The following PRDM2 variants were observed in gnomAD, a reference collection of about 807,000 sequenced individuals.
PRDM2 encodes the protein PR/SET domain 2.
A neutral mutation model predicts 130.0 loss-of-function variants in PRDM2; 30 were observed. The observed-to-expected ratio is 0.23, with a 90% confidence interval of 0.17 to 0.31. The LOEUF (loss-of-function observed/expected upper bound fraction) is 0.31, where lower values mean the gene tolerates loss of function less well. PRDM2 is among the 10% of genes least tolerant of loss of function. PRDM2 has a pLI of 1.00. For synonymous variants in PRDM2, 871 were observed against 782.4 expected (o/e 1.11, Z -1.89); for missense variants, 2,011 against 2,108.4 (o/e 0.95, Z 0.90).
intron 8 of PRDM2, among the ~76,000 whole-genome samples, chr1:13,792,676 G>A (rs1211968518): frequency 1.3e-5 from 2 of 152,222 alleles, no homozygotes; most frequent in African/African-American, 2.4e-5. Context: ...TCATCAAAGT[G>A]TCAGGCTGTA....
At chr1:13,753,396 ACT>A (rs769716060) in intron 6 of PRDM2, among the ~76,000 whole-genome samples, 1 of 152,304 alleles carries the variant, frequency 6.6e-6, no homozygotes, top group South Asian at 2.1e-4. Flanking sequence ...TATCTCAGCG[ACT>A]CTTAGTCACC....
intron 8 of PRDM2, among the ~76,000 whole-genome samples, chr1:13,794,704 C>CA (rs2100715179): frequency 6.6e-6 from 1 of 152,212 alleles, no homozygotes; most frequent in East Asian, 1.9e-4. Context: ...CAGCTGCTGT[C>CA]AGCATCACTA....
chr1:13,791,894 A>G (rs1386603710), intron 8 of PRDM2, among the ~76,000 whole-genome samples: 1 of 152,236 alleles, frequency 6.6e-6, no homozygotes, highest in Non-Finnish European at 1.5e-5. Flanking sequence ...TTTTTAAAAT[A>G]GAAATTCAGG....
rs768934604 is a variant in PRDM2 at position 13,780,611 on chromosome 1, A to T, written c.2816A>T (p.Glu939Val). The T allele has an allele frequency of 6.2e-7, 1 of 1,613,952 alleles. No individual in the cohort carries two copies. Among genetic ancestry groups the T allele is most frequent in the Non-Finnish European group, 8.5e-7 (1 of 1,179,980 alleles). ...TCTGGTTTCCCTGCCCCTACTGTTG[A>T]GTCCACACCTGATGTTTGTCCTTCA... is the stretch of plus-strand genomic sequence containing the variant. ...PGSGFPAPTVESTPDVCPSSP... is the reference protein window; with the variant it reads ...PGSGFPAPTVVSTPDVCPSSP... The change falls in exon 8 of 10, where the codon GAG becomes GTG. Residue 939 changes from glutamate (E) to valine (V), a missense_variant. Transcript: ENST00000311066.
At chr1:13,798,370 C>T (rs1380499369) in intron 8 of PRDM2, among the ~76,000 whole-genome samples, 2 of 152,124 alleles carry the variant, frequency 1.3e-5, no homozygotes, top group Non-Finnish European at 2.9e-5. Flanking sequence ...TAAAATCAAG[C>T]CGAAAGAAAA....
At chr1:13,816,310 T>G in intron 8 of PRDM2, 117 bp from the exon 9 acceptor site, 1 of 1,322,428 alleles carries the variant, frequency 7.6e-7, no homozygotes. Context: ...GTCCAGGAAG[T>G]GCAATCCTAT....
At position 13,781,506 on chromosome 1, in the gene PRDM2, C is replaced by T. The variant is rs990422286; in HGVS notation, c.3711C>T (p.Pro1237=). The change falls in exon 8 of 10, where the codon CCC becomes CCT. Residue 1237 remains proline (P), a synonymous_variant. Transcript: ENST00000311066. This position sits in a 1 kb window ranked among gnomAD's most constrained non-coding sequence, Gnocchi z 6.1. Reference sequence around the variant, plus strand: ...TGAGGCCCCAGAACTTTACAGATCCCAGCAAGGCCCATGTAGAGCATATGC... The same window carrying T: ...TGAGGCCCCAGAACTTTACAGATCCTAGCAAGGCCCATGTAGAGCATATGC... ...GTLRPQNFTD[P]SKAHVEHMQS... 6.2e-7 allele frequency: 1 copy of T among 1,612,742 alleles called. No homozygotes were observed. The highest frequency in any genetic ancestry group is 1.3e-5 in the African/African-American group (1 of 74,864).
rs200292612 is a variant in PRDM2 at position 13,749,473 on chromosome 1, C to A, written c.497C>A (p.Pro166His). 1.4e-6 allele frequency: 2 copies of A among 1,476,124 alleles called. No homozygotes were observed. The highest frequency in any genetic ancestry group is 1.5e-5 in the African/African-American group (1 of 67,940). 91.4% of individuals were successfully genotyped at this position (1,476,124 alleles called of 1,614,324 possible). A position where few individuals can be genotyped will look rare whatever the true frequency, so the allele number is the denominator to read the frequency against. The change falls in exon 6 of 10, where the codon CCC (proline) becomes CAC (histidine). Residue 166 changes from proline to histidine, a missense_variant. Physicochemically the swap from Pro to His is moderately conservative, Grantham distance 77 (BLOSUM62 -2). Transcript: ENST00000311066. ...RASARSKRSS[P>H]KSRKGKKKSQ... ...AGCGCCCGGAGCAAGCGGAGCTCCC[C>A]CAAGAGCCGGAAAGGTAGGAGCCCC...
intron 8 of PRDM2, among the ~76,000 whole-genome samples, chr1:13,808,556 C>T (rs1008355310): frequency 3.3e-5 from 5 of 151,756 alleles, no homozygotes; most frequent in East Asian, 1.9e-4. Context: ...TTCATTTTGC[C>T]GGGATTTTAT....
intron 8 of PRDM2, among the ~76,000 whole-genome samples, chr1:13,813,497 A>T (rs1294766972): frequency 2.0e-5 from 3 of 152,178 alleles, no homozygotes; most frequent in Non-Finnish European, 4.4e-5. Context: ...TGGCCTAAGG[A>T]GCTGAAAGCC....
intron 9 of PRDM2, among the ~76,000 whole-genome samples, chr1:13,819,394 A>G (rs1220681807): frequency 1.3e-5 from 2 of 152,220 alleles, no homozygotes; most frequent in African/African-American, 4.8e-5. Context: ...GAGAGGCCTA[A>G]CGTCATTTGC....
Position 13,781,685 on chromosome 1 carries a change from G to C in PRDM2, c.3890G>C (p.Ser1297Thr). Reference protein sequence around the residue: ...VRLGLNQHYPSFKPPPFQYHH... With the variant: ...VRLGLNQHYPTFKPPPFQYHH... Reference sequence around the variant, plus strand: ...TTGGGCCTCAATCAGCATTACCCAAGCTTTAAACCACCTCCATTTCAGTAC... The same window carrying C: ...TTGGGCCTCAATCAGCATTACCCAACCTTTAAACCACCTCCATTTCAGTAC... Residue 1297 changes from serine (S) to threonine (T), a missense_variant, in exon 8 of 10, where the codon AGC becomes ACC. This residue lies in a region of PRDM2 where 229 missense variants were observed against 364.1 expected (regional missense o/e 0.63). Coordinates refer to ENST00000311066, the MANE Select transcript of PRDM2 (RefSeq NM_001393986.1). This position sits in a 1 kb window ranked among gnomAD's most constrained non-coding sequence, Gnocchi z 6.1. The C allele has an allele frequency of 6.2e-7, 1 of 1,614,092 alleles. No homozygotes were observed. The highest frequency in any genetic ancestry group is 8.5e-7 in the Non-Finnish European group (1 of 1,180,036).
In PRDM2 at chr1:13,782,025, C is replaced by G; in HGVS notation, c.4230C>G (p.Ser1410Arg). The change falls in exon 8 of 10, where the codon AGC (serine) becomes AGG (arginine). Residue 1410 changes from serine to arginine, a missense_variant. Ser to Arg is a moderately radical substitution (Grantham distance 110). Transcript: ENST00000311066. ...PKRLNFSVEL[S>R]KMSSNKLKLN... ...GGCTTAACTTTAGTGTTGAGCTCAG[C>G]AAAATGTCGTCGAATAAGCTCAAAT... 1.9e-6 allele frequency: 3 copies of G among 1,613,982 alleles called. No individual in the cohort carries two copies. The highest frequency in any genetic ancestry group is 2.5e-6 in the Non-Finnish European group (3 of 1,179,996).
intron 9 of PRDM2, 117 bp downstream of exon 9, chr1:13,816,687 AC>A: frequency 1.5e-6 from 2 of 1,358,988 alleles, no homozygotes; most frequent in Non-Finnish European, 2.0e-6. Context: ...GCTTGTGTGT[AC>A]CAGGCACGGT....
In PRDM2 at chr1:13,771,245, G is replaced by A. The variant is rs868698184; in HGVS notation, c.512-1833G>A. On this transcript the variant is annotated intron_variant, in intron 6 of 9. Coordinates refer to ENST00000311066, the MANE Select transcript of PRDM2 (RefSeq NM_001393986.1). This position sits in a 1 kb window ranked among gnomAD's most constrained non-coding sequence, Gnocchi z 4.1. ...TATAATTCTTCACCTGGAGACGTGTGTTGGTCATCTCCATGCAGATCCTTC... is the reference window on the plus strand; with the variant it reads ...TATAATTCTTCACCTGGAGACGTGTATTGGTCATCTCCATGCAGATCCTTC... 6.6e-6 allele frequency among the ~76,000 whole-genome samples: 1 copy of A among 152,164 alleles called. No individual in the cohort carries two copies. Among genetic ancestry groups the A allele is most frequent in the Admixed American group, 6.5e-5 (1 of 15,282 alleles).
chr1:13,810,125 A>T lies in PRDM2; in HGVS notation c.5037-6302A>T, dbSNP rs117417680. ...TTGGGGGTTAGGGCTTCAGCATATGAATGGGGTGCAGGGGACACAAAGGTT... is the reference window on the plus strand; with the variant it reads ...TTGGGGGTTAGGGCTTCAGCATATGTATGGGGTGCAGGGGACACAAAGGTT... On this transcript the variant is annotated intron_variant, in intron 8 of 9. Coordinates refer to ENST00000311066, the MANE Select transcript of PRDM2 (RefSeq NM_001393986.1). 4.1e-3 allele frequency among the ~76,000 whole-genome samples: 612 copies of T among 149,398 alleles called. 12 individuals carry two copies. The East Asian group carries it at 0.05, about 12-fold the overall frequency.
intron 8 of PRDM2, chr1:13,787,107 G>A: frequency 2.0e-6 from 2 of 985,418 alleles, no homozygotes; most frequent in Non-Finnish European, 2.4e-6. Flanking sequence ...GCGTAATGGA[G>A]AGGAAACCAG....
At chr1:13,770,975 A>T (rs1032244389) in intron 6 of PRDM2, among the ~76,000 whole-genome samples, 2 of 152,218 alleles carry the variant, frequency 1.3e-5, no homozygotes, top group African/African-American at 4.8e-5. Context: ...TGCTCTCAGT[A>T]ATCTAATACG....
At chr1:13,786,341 C>T (rs1557658718) in intron 8 of PRDM2, among the ~76,000 whole-genome samples, 2 of 152,082 alleles carry the variant, frequency 1.3e-5, no homozygotes, top group Non-Finnish European at 2.9e-5. Flanking sequence ...GCGTGTAGTT[C>T]CTTGCAGGGT....
Sources: gnomAD v4.1 joint callset for allele counts (sites outside exome capture counted in the v4.1 genomes callset) on GRCh38, gnomAD v4.1.1 for gene constraint, gnomAD v4.1.1 regional missense constraint, Gnocchi (gnomAD v3.1) non-coding constraint, MANE v1.5 for transcripts, NCBI Gene and HGNC (gene_info 2026-07-23, HGNC 2026-07-21) for gene names.